Variants in HPSE2 observed in about 807,000 individuals in gnomAD.
HPSE2 encodes the protein inactive heparanase-2.
HPSE2 carries 38 observed loss-of-function variants against 60.5 expected under a neutral mutation model. That is an observed-to-expected ratio of 0.63 (90% CI 0.48 to 0.82). The LOEUF (loss-of-function observed/expected upper bound fraction) is 0.82, where lower values mean the gene tolerates loss of function less well. Among genes scored for constraint, HPSE2 ranks in the 40% least tolerant of loss-of-function variants. HPSE2 has a pLI of 0.00. For synonymous variants in HPSE2, 295 were observed against 293.2 expected (o/e 1.01, Z -0.06); for missense variants, 713 against 740.4 (o/e 0.96, Z 0.43).
chr10:99,292,728 G>A, the HPSE2 span, among the ~76,000 whole-genome samples: 1 of 151,896 alleles, frequency 6.6e-6, no homozygotes, highest in Admixed American at 6.6e-5. Flanking sequence ...ATAAAAATGA[G>A]ATATTTTACA....
chr10:99,115,246 C>T (rs1281741836), intron 3 of HPSE2, among the ~76,000 whole-genome samples: 1 of 151,784 alleles, frequency 6.6e-6, no homozygotes, highest in Non-Finnish European at 1.5e-5. Flanking sequence ...TCTTGCTTCC[C>T]GGGTTCACCC....
chr10:99,183,711 T>C (rs1240853113), intron 2 of HPSE2, among the ~76,000 whole-genome samples: 1 of 152,210 alleles, frequency 6.6e-6, no homozygotes, highest in Non-Finnish European at 1.5e-5. Context: ...ATTGGCCTTC[T>C]GTGCGGCAAG....
chr10:98,541,242 G>C (rs927433990), intron 9 of HPSE2, among the ~76,000 whole-genome samples: 1 of 152,102 alleles, frequency 6.6e-6, no homozygotes, highest in African/African-American at 2.4e-5. Flanking sequence ...CTTTTGAAAT[G>C]TACTGCATAA....
At chr10:98,853,393 A>T (rs1326903238) in intron 3 of HPSE2, among the ~76,000 whole-genome samples, 1 of 152,252 alleles carries the variant, frequency 6.6e-6, no homozygotes, top group Non-Finnish European at 1.5e-5. Context: ...TTATAATCCC[A>T]GTTCTCCCAG....
intron 3 of HPSE2, among the ~76,000 whole-genome samples, chr10:98,776,463 G>A (rs1428804942): frequency 2.6e-5 from 4 of 151,454 alleles, no homozygotes; most frequent in Admixed American, 2.0e-4. Context: ...TAATAATAAC[G>A]ATAATAATAA....
At chr10:98,927,382 G>A (rs1954503744) in intron 3 of HPSE2, among the ~76,000 whole-genome samples, 1 of 151,790 alleles carries the variant, frequency 6.6e-6, no homozygotes, top group South Asian at 2.1e-4. Flanking sequence ...TGGGTAGGAA[G>A]AATCAATATC....
intron 3 of HPSE2, among the ~76,000 whole-genome samples, chr10:98,897,685 C>A (rs1339773049): frequency 6.6e-6 from 1 of 152,032 alleles, no homozygotes; most frequent in Non-Finnish European, 1.5e-5. Flanking sequence ...AGATCTCATA[C>A]CCTTCACAAA....
At chr10:98,596,580 A>C (rs952924500) in intron 9 of HPSE2, among the ~76,000 whole-genome samples, 1 of 151,332 alleles carries the variant, frequency 6.6e-6, no homozygotes, top group African/African-American at 2.4e-5. Context: ...TCTATCTTTC[A>C]TTTATTTCTG....
chr10:99,290,097 A>C, the HPSE2 span, among the ~76,000 whole-genome samples: 1 of 152,204 alleles, frequency 6.6e-6, no homozygotes, highest in African/African-American at 2.4e-5. Flanking sequence ...AGATTGTTTA[A>C]ATTTTAAATT....
At chr10:98,855,345 G>T (rs970076622) in intron 3 of HPSE2, among the ~76,000 whole-genome samples, 2 of 152,122 alleles carry the variant, frequency 1.3e-5, no homozygotes, top group African/African-American at 2.4e-5. Context: ...TGGATAGAGA[G>T]GAGGGAGACA....
At chr10:98,876,377 C>T (rs1952877881) in intron 3 of HPSE2, among the ~76,000 whole-genome samples, 1 of 151,712 alleles carries the variant, frequency 6.6e-6, no homozygotes. Flanking sequence ...GGTAGGGCCA[C>T]CAAGAGGCAG....
At chr10:98,960,701 C>CTTTTTTTTT in intron 3 of HPSE2, among the ~76,000 whole-genome samples, 72 of 57,426 alleles carry the variant, frequency 1.3e-3, no homozygotes, top group East Asian at 3.6e-3. Context: ...ATGTACATTT[C>CTTTTTTTTT]TTTTTTTTTT....
At chr10:98,604,317 A>C (rs1391649212) in intron 9 of HPSE2, among the ~76,000 whole-genome samples, 1 of 152,122 alleles carries the variant, frequency 6.6e-6, no homozygotes, top group Non-Finnish European at 1.5e-5. Flanking sequence ...AAAAAAAAAA[A>C]ATGCTAGAGA....
At chr10:98,558,444 C>T (rs972834324) in intron 9 of HPSE2, among the ~76,000 whole-genome samples, 2 of 152,096 alleles carry the variant, frequency 1.3e-5, no homozygotes, top group Admixed American at 1.3e-4. Flanking sequence ...ATGAGCAATC[C>T]ACAACTATAC....
the HPSE2 span, among the ~76,000 whole-genome samples, chr10:99,280,276 A>G: frequency 6.6e-6 from 1 of 152,232 alleles, no homozygotes; most frequent in Non-Finnish European, 1.5e-5. Context: ...GATCATGTAA[A>G]GAAGGATTCA....
At chr10:99,269,009 A>C in the HPSE2 span, among the ~76,000 whole-genome samples, 1 of 152,024 alleles carries the variant, frequency 6.6e-6, no homozygotes, top group African/African-American at 2.4e-5. Flanking sequence ...AAATACAAAA[A>C]TTAGCTGGGC....
chr10:99,090,850 G>T (rs1256114953), intron 3 of HPSE2, among the ~76,000 whole-genome samples: 2 of 151,972 alleles, frequency 1.3e-5, no homozygotes, highest in Non-Finnish European at 2.9e-5. Flanking sequence ...AGAGCTCTGA[G>T]GTTGCGGCCT....
intron 3 of HPSE2, among the ~76,000 whole-genome samples, chr10:98,754,378 T>C (rs1949829795): frequency 6.6e-6 from 1 of 152,082 alleles, no homozygotes; most frequent in South Asian, 2.1e-4. Flanking sequence ...ACCAAATCTA[T>C]GACTCGCTGG....
At chr10:98,543,363 G>C (rs558539255) in intron 9 of HPSE2, among the ~76,000 whole-genome samples, 4 of 152,056 alleles carry the variant, frequency 2.6e-5, no homozygotes, top group Non-Finnish European at 2.9e-5. Context: ...GGTACCAGCC[G>C]CTGCAAAATC....
Sources: gnomAD v4.1 joint callset for allele counts (sites outside exome capture counted in the v4.1 genomes callset) on GRCh38, gnomAD v4.1.1 for gene constraint, MANE v1.5 for transcripts, NCBI Gene and HGNC (gene_info 2026-07-23, HGNC 2026-07-21) for gene names.